Variants in PCSK7 observed in about 807,000 individuals in gnomAD.
PCSK7 encodes proprotein convertase subtilisin/kexin type 7.
In PCSK7, 38 loss-of-function variants were observed where a neutral mutation model predicts 73.3. The observed-to-expected ratio is 0.52, with a 90% CI of 0.40 to 0.68. PCSK7 has a LOEUF of 0.68. Among genes scored for constraint, PCSK7 ranks in the 30% least tolerant of loss-of-function variants. The pLI is 0.00. For missense variants in PCSK7, 692 were observed against 991.5 expected, an observed-to-expected ratio of 0.70 and a Z score of 4.06; for synonymous variants, 296 against 383.8, an observed-to-expected ratio of 0.77 and a Z score of 2.68.
chr11:117,211,087 A>G (rs2134290175), intron 12 of PCSK7: 1 of 152,352 alleles, frequency 6.6e-6, no homozygotes, highest in Middle Eastern at 3.4e-3. Context: ...ACTAAGAGCT[A>G]TTATAGATGA....
In PCSK7 at chr11:117,219,087, G is replaced by A; in HGVS notation, c.1401C>T (p.Leu467=). 2 of 1,610,238 alleles carry A rather than the reference G, an allele frequency of 1.2e-6. No homozygotes were observed. The highest frequency in any genetic ancestry group is 8.5e-7 in the Non-Finnish European group (1 of 1,179,642). Residue 467 remains leucine, a synonymous_variant, in exon 11 of 17, where the codon CTC becomes CTT. Transcript: ENST00000320934. ...CTGCATTCACGAGCCTCCAGGCGTT[G>A]AGGAGGCCGAAACCGTGCTGGTGGC... ...SHSHQHGFGL[L]NAWRLVNAAK...
At chr11:117,217,219 TCAG>T (rs1279849411) in intron 12 of PCSK7, 1 of 152,240 alleles carries the variant, frequency 6.6e-6, no homozygotes, top group African/African-American at 2.4e-5. Flanking sequence ...CGTCCCCTGG[TCAG>T]CAGGAAGCAG....
intron 5 of PCSK7, 120 bp from the exon 6 acceptor site, chr11:117,226,141 C>CTTT (rs11419279): frequency 9.2e-4 from 529 of 576,472 alleles, no homozygotes; most frequent in East Asian, 1.7e-3. Context: ...GTACATTTTG[C>CTTT]TTTTTTTTTT....
chr11:117,226,237 A>G, intron 5 of PCSK7: 1 of 555,746 alleles, frequency 1.8e-6, no homozygotes. Context: ...CCTGGGTTCA[A>G]GCGATTGTCT....
rs145853917 is a variant in PCSK7 at position 117,226,205 on chromosome 11, C to T, written c.770-184G>A. On this transcript the variant is annotated intron_variant, in intron 5 of 16. Coordinates refer to ENST00000320934, the MANE Select transcript of PCSK7 (RefSeq NM_004716.4). ...AGACTGGAGTGCAGTGGCATGATCTCGGCTCACTGCAGCCTCCACCTCCTG... is the reference window on the plus strand; with the variant it reads ...AGACTGGAGTGCAGTGGCATGATCTTGGCTCACTGCAGCCTCCACCTCCTG... The T allele has an allele frequency of 2.3e-3, 1,349 of 586,872 alleles. 10 individuals carry two copies. The highest frequency in any genetic ancestry group is 0.023 in the African/African-American group (1,215 of 53,256). The allele number at this position is 586,872 out of a possible 1,614,324, so 36.4% of individuals were successfully genotyped here. A position where few individuals can be genotyped will look rare whatever the true frequency, so the allele number is the denominator to read the frequency against.
At chr11:117,210,225 G>A (rs370276539) in intron 12 of PCSK7, 5 of 152,084 alleles carry the variant, frequency 3.3e-5, no homozygotes, top group Non-Finnish European at 5.9e-5. Flanking sequence ...AAGGGTGCAC[G>A]GGACTTCTCT....
At chr11:117,207,808 A>G in intron 14 of PCSK7, 162 bp downstream of exon 14, 2 of 651,770 alleles carry the variant, frequency 3.1e-6, no homozygotes, top group Non-Finnish European at 2.7e-6. Context: ...GCAGAGAGCA[A>G]TGCCCATTTC....
chr11:117,225,563 C>T, intron 6 of PCSK7: 1 of 264,094 alleles, frequency 3.8e-6, no homozygotes, highest in Non-Finnish European at 7.4e-6. Context: ...TTGTCCAGTC[C>T]AGCACAGCCA....
rs1190938506 is a variant in PCSK7, at chr11:117,228,353, G to C, written c.469-3C>G. The C allele has an allele frequency of 1.2e-6, 2 of 1,613,672 alleles. No homozygotes were observed. The highest frequency in any genetic ancestry group is 1.7e-6 in the Non-Finnish European group (2 of 1,179,584). The stretch of plus-strand genomic sequence containing the variant: ...CTGCCCGGGCTCCGTCGGTTATTCT[G>C]TAAGAGAGACAGGATGGGAATACAG... On this transcript the variant is annotated splice_region_variant and splice_polypyrimidine_tract_variant and intron_variant, in intron 3 of 16. Coordinates refer to ENST00000320934, the MANE Select transcript of PCSK7 (RefSeq NM_004716.4).
At chr11:117,224,376 G>A (rs2032327911) in intron 7 of PCSK7, among the ~76,000 whole-genome samples, 160 bp from the exon 8 acceptor site, 1 of 152,190 alleles carries the variant, frequency 6.6e-6, no homozygotes, top group South Asian at 2.1e-4. Context: ...CCGCATGTGA[G>A]GGAGCTGTGA....
rs2134311035 is a variant in PCSK7, at chr11:117,218,993, G to A, written c.1431+64C>T. ...ACCTATGATATCCCAGGCAGTTTGGGGCATTCAGCTCCGACCCTTGGTCAC... is the reference window on the plus strand; with the variant it reads ...ACCTATGATATCCCAGGCAGTTTGGAGCATTCAGCTCCGACCCTTGGTCAC... On this transcript the variant is annotated intron_variant, in intron 11 of 16. Coordinates refer to ENST00000320934, the MANE Select transcript of PCSK7 (RefSeq NM_004716.4). This position sits in a 1 kb window ranked among gnomAD's most constrained non-coding sequence, Gnocchi z 4.0. The A allele has an allele frequency of 9.4e-7, 1 of 1,058,626 alleles. No homozygotes were observed. Among genetic ancestry groups the A allele is most frequent in the Admixed American group, 2.1e-5 (1 of 48,354 alleles). The allele number at this position is 1,058,626 out of a possible 1,614,324, so 65.6% of individuals were successfully genotyped here. A position where few individuals can be genotyped will look rare whatever the true frequency, so the allele number is the denominator to read the frequency against.
chr11:117,230,595 C>T (rs74988348), intron 1 of PCSK7, 127 bp from the exon 2 acceptor site: 3,656 of 152,330 alleles, frequency 0.024, 79 homozygotes, highest in South Asian at 0.094. Flanking sequence ...GATCTAAAAT[C>T]GGTCATAGAC....
chr11:117,219,071 C>T lies in PCSK7; in HGVS notation c.1417G>A (p.Val473Met). The change falls in exon 11 of 17, where the codon GTG becomes ATG. Residue 473 changes from valine (V) to methionine (M), a missense_variant. This residue lies in a region of PCSK7 where 574 missense variants were observed against 689.8 expected (regional missense o/e 0.83). Transcript: ENST00000320934. Reference protein sequence around the residue: ...GFGLLNAWRLVNAAKIWTSVP... With the variant: ...GFGLLNAWRLMNAAKIWTSVP... Reference sequence around the variant, plus strand: ...CACCTGTTCACCTTGGCTGCATTCACGAGCCTCCAGGCGTTGAGGAGGCCG... The same window carrying T: ...CACCTGTTCACCTTGGCTGCATTCATGAGCCTCCAGGCGTTGAGGAGGCCG... 3 of 1,608,194 alleles carry T rather than the reference C, an allele frequency of 1.9e-6. No homozygotes were observed. The highest frequency in any genetic ancestry group is 2.2e-5 in the East Asian group (1 of 44,848).
At chr11:117,209,432 G>C (rs1332835991) in intron 12 of PCSK7, 1 of 214,316 alleles carries the variant, frequency 4.7e-6, no homozygotes, top group African/African-American at 2.4e-5. Context: ...AAAATGATAT[G>C]GTATGGGAAA....
intron 9 of PCSK7, chr11:117,222,045 C>T (rs2032218735): frequency 6.6e-6 from 1 of 152,144 alleles, no homozygotes; most frequent in South Asian, 2.1e-4. Context: ...TAAATTTGAC[C>T]CAGCAGGAAG....
chr11:117,219,054 C>A lies in PCSK7; in HGVS notation c.1431+3G>T. Reference sequence around the variant, plus strand: ...GCACCCTGCCCTGCCAACACCTGTTCACCTTGGCTGCATTCACGAGCCTCC... The same window carrying A: ...GCACCCTGCCCTGCCAACACCTGTTAACCTTGGCTGCATTCACGAGCCTCC... On this transcript the variant is annotated splice_donor_region_variant and intron_variant, in intron 11 of 16. Coordinates refer to ENST00000320934, the MANE Select transcript of PCSK7 (RefSeq NM_004716.4). The A allele has an allele frequency of 6.2e-7, 1 of 1,602,418 alleles. No individual in the cohort carries two copies.
Position 117,227,108 on chromosome 11 carries a change from T to C in PCSK7, c.769+49A>G, listed in dbSNP as rs200949932. 171 of 1,473,956 alleles carry C rather than the reference T, an allele frequency of 1.2e-4. No homozygotes were observed. In the African/African-American group the frequency reaches 2.3e-3, roughly 20 times the overall value. 91.3% of individuals were successfully genotyped at this position (1,473,956 alleles called of 1,614,324 possible). ...AGGGAGGGGTGCAGGAAATGAAGACTGTGGTCACAGGAGCAGCCTACCAAG... is the reference window on the plus strand; with the variant it reads ...AGGGAGGGGTGCAGGAAATGAAGACCGTGGTCACAGGAGCAGCCTACCAAG... On this transcript the variant is annotated intron_variant, in intron 5 of 16. Coordinates refer to ENST00000320934, the MANE Select transcript of PCSK7 (RefSeq NM_004716.4).
Position 117,204,366 on chromosome 11 carries a change from G to A in PCSK7, c.*1631C>T, listed in dbSNP as rs1169272493. On this transcript the variant is annotated 3_prime_UTR_variant, in exon 17 of 17. Transcript: ENST00000320934. ...TCGGCAGATCATCAGTTAGAGCGGAGAGGGCTAGCCCTGAGCCCGGCCCTC... is the reference window on the plus strand; with the variant it reads ...TCGGCAGATCATCAGTTAGAGCGGAAAGGGCTAGCCCTGAGCCCGGCCCTC... The A allele has an allele frequency of 1.2e-6, 2 of 1,614,110 alleles. No homozygotes were observed. Among genetic ancestry groups the A allele is most frequent in the East Asian group, 2.2e-5 (1 of 44,900 alleles).
At chr11:117,226,912 G>A (rs1231859491) in intron 5 of PCSK7, 3 of 438,624 alleles carry the variant, frequency 6.8e-6, no homozygotes, top group Admixed American at 4.5e-5. Flanking sequence ...AGGAAAAACC[G>A]ACAAGAAGGC....
Sources: allele counts gnomAD v4.1 joint callset (sites outside exome capture counted in the v4.1 genomes callset), GRCh38; gene constraint gnomAD v4.1.1; regional missense constraint gnomAD v4.1.1; non-coding constraint Gnocchi (gnomAD v3.1); transcripts MANE v1.5; gene names NCBI Gene and HGNC (gene_info 2026-07-23, HGNC 2026-07-21).